The following RBFOX1 variants were observed in gnomAD, a reference collection of about 807,000 sequenced individuals.
RBFOX1 encodes RNA binding fox-1 homolog 1, also known as RNA binding protein fox-1 homolog 1.
In RBFOX1, 8 loss-of-function variants were observed where a neutral mutation model predicts 57.7. The ratio of observed to expected loss-of-function variants is 0.14; its 90% CI spans 0.08 to 0.25. The LOEUF is 0.25. RBFOX1 is among the 10% of genes least tolerant of loss of function. RBFOX1 has a pLI of 1.00. For missense variants in RBFOX1, 611 were observed against 548.5 expected, an observed-to-expected ratio of 1.11 and a Z score of -1.14; for synonymous variants, 326 against 222.4, an observed-to-expected ratio of 1.47 and a Z score of -4.15.
chr16:5,244,680 A>G (rs961924464), intron 1 of RBFOX1, among the ~76,000 whole-genome samples: 1 of 152,220 alleles, frequency 6.6e-6, no homozygotes, highest in African/African-American at 2.4e-5. Flanking sequence ...CGCTCTTGTA[A>G]TTTGTGAGGC....
chr16:6,790,169 C>CTGT lies in RBFOX1; in HGVS notation c.-16+135520_-16+135521insGTT, dbSNP rs376093377. 2.1e-5 allele frequency among the ~76,000 whole-genome samples: 3 copies of CTGT among 141,536 alleles called. No homozygotes were observed. The East Asian group carries it at 6.2e-4, about 29-fold the overall frequency. The allele number at this position is 141,536 out of a possible 152,430, so 92.9% of individuals were successfully genotyped here. On this transcript the variant is annotated intron_variant, in intron 3 of 15. Transcript: ENST00000550418. The stretch of plus-strand genomic sequence containing the variant: ...CTTAGATTCTGGATTTTATTTTATT[C>CTGT]TATTATTATTATTATTATTATTATT...
At chr16:5,433,437 G>A (rs938036443) in intron 1 of RBFOX1, among the ~76,000 whole-genome samples, 1 of 152,148 alleles carries the variant, frequency 6.6e-6, no homozygotes, top group African/African-American at 2.4e-5. Flanking sequence ...AAGACTGTTT[G>A]AGTGGCAAGA....
intron 2 of RBFOX1, among the ~76,000 whole-genome samples, chr16:6,628,547 A>G (rs2098340469): frequency 6.6e-6 from 1 of 152,300 alleles, no homozygotes; most frequent in East Asian, 1.9e-4. Flanking sequence ...TTCATCTACC[A>G]ATCCACCTCA....
At chr16:5,414,547 A>G (rs923253662) in intron 1 of RBFOX1, among the ~76,000 whole-genome samples, 12 of 152,102 alleles carry the variant, frequency 7.9e-5, no homozygotes, top group African/African-American at 2.7e-4. Flanking sequence ...TGTAGGCCTT[A>G]TGGCTTTCAT....
At chr16:5,941,942 C>A (rs1219129694) in intron 4 of RBFOX1, among the ~76,000 whole-genome samples, 1 of 151,578 alleles carries the variant, frequency 6.6e-6, no homozygotes, top group Non-Finnish European at 1.5e-5. Flanking sequence ...TACTAGATAA[C>A]AACGACCACC....
intron 2 of RBFOX1, among the ~76,000 whole-genome samples, chr16:6,526,241 C>G (rs2096575851): frequency 6.6e-6 from 1 of 152,168 alleles, no homozygotes; most frequent in African/African-American, 2.4e-5. Context: ...ATGTTTCTGC[C>G]ACCATTGAGT....
intron 3 of RBFOX1, among the ~76,000 whole-genome samples, chr16:5,804,927 G>C (rs1430754923): frequency 6.6e-6 from 1 of 152,172 alleles, no homozygotes; most frequent in Admixed American, 6.5e-5. Context: ...GCCACTACCA[G>C]CATTTCTCTG....
chr16:7,417,538 G>GTT (rs777135905), intron 4 of RBFOX1, among the ~76,000 whole-genome samples: 144 of 150,336 alleles, frequency 9.6e-4, no homozygotes, highest in East Asian at 1.8e-3. Flanking sequence ...TTGTGTGTGT[G>GTT]TGTGTGTGTG....
chr16:6,843,199 G>T lies in RBFOX1; in HGVS notation c.-16+188549G>T, dbSNP rs749530524. Among the ~76,000 whole-genome samples, 5 of 152,040 alleles carry T rather than the reference G, an allele frequency of 3.3e-5. 1 individual carries two copies. The highest frequency in any genetic ancestry group is 7.4e-5 in the Non-Finnish European group (5 of 68,014). On this transcript the variant is annotated intron_variant, in intron 3 of 15. Coordinates refer to ENST00000550418, the MANE Select transcript of RBFOX1 (RefSeq NM_018723.4). ...TTTCTATTAGAGTGGATGTCTCTTG[G>T]GTTTAAAGAATGGGTGAAAATCTCT...
chr16:7,484,734 G>A (rs2064943483), intron 4 of RBFOX1, among the ~76,000 whole-genome samples: 1 of 152,180 alleles, frequency 6.6e-6, no homozygotes, highest in Admixed American at 6.5e-5. Flanking sequence ...AAAGTTCTGG[G>A]ATGACAGGCA....
intron 1 of RBFOX1, among the ~76,000 whole-genome samples, chr16:6,166,351 A>G (rs1000023458): frequency 6.6e-6 from 1 of 151,964 alleles, no homozygotes; most frequent in African/African-American, 2.4e-5. Context: ...TGGCTCAGCT[A>G]ACCAAAGGTT....
At chr16:5,945,701 C>T (rs2059387969) in intron 4 of RBFOX1, among the ~76,000 whole-genome samples, 1 of 152,224 alleles carries the variant, frequency 6.6e-6, no homozygotes, top group Non-Finnish European at 1.5e-5. Context: ...ACAGCCCTTC[C>T]TCAGGTAGAA....
At chr16:6,333,588 C>G (rs571675021) in intron 2 of RBFOX1, among the ~76,000 whole-genome samples, 5 of 152,128 alleles carry the variant, frequency 3.3e-5, no homozygotes, top group East Asian at 1.9e-4. Flanking sequence ...ACGAAATGGT[C>G]CAGTCATTTC....
intron 12 of RBFOX1, among the ~76,000 whole-genome samples, chr16:7,661,023 A>G (rs1210217924): frequency 6.6e-6 from 1 of 152,194 alleles, no homozygotes; most frequent in African/African-American, 2.4e-5. Context: ...GAGCACAGAA[A>G]GGCTAGACTA....
intron 3 of RBFOX1, among the ~76,000 whole-genome samples, chr16:6,743,215 A>G (rs2072719030): frequency 6.6e-6 from 1 of 152,232 alleles, no homozygotes; most frequent in South Asian, 2.1e-4. Context: ...CAAAGGAAAT[A>G]GAATAATAAA....
At chr16:7,426,212 C>A (rs540898298) in intron 4 of RBFOX1, among the ~76,000 whole-genome samples, 7 of 152,334 alleles carry the variant, frequency 4.6e-5, no homozygotes, top group African/African-American at 1.7e-4. Flanking sequence ...GAAGTGATTA[C>A]AGAGTCATGA....
chr16:5,929,315 C>CCTCT (rs112397291), intron 4 of RBFOX1, among the ~76,000 whole-genome samples: 9 of 147,946 alleles, frequency 6.1e-5, no homozygotes, highest in African/African-American at 1.5e-4. Flanking sequence ...CAGTCTTAAG[C>CCTCT]CTCTCTCTCT....
At chr16:6,077,661 G>C (rs1214838433) in intron 1 of RBFOX1, among the ~76,000 whole-genome samples, 2 of 136,944 alleles carry the variant, frequency 1.5e-5, no homozygotes, top group Non-Finnish European at 3.4e-5. Flanking sequence ...CTGCGCTCTT[G>C]CGTCAACCTT....
chr16:7,438,887 T>G (rs1013441243), intron 4 of RBFOX1, among the ~76,000 whole-genome samples: 1 of 152,182 alleles, frequency 6.6e-6, no homozygotes, highest in Non-Finnish European at 1.5e-5. Flanking sequence ...TGATCTATAC[T>G]GCATGAATCC....
Sources: gnomAD v4.1 joint callset for allele counts (sites outside exome capture counted in the v4.1 genomes callset) on GRCh38, gnomAD v4.1.1 for gene constraint, MANE v1.5 for transcripts, NCBI Gene and HGNC (gene_info 2026-07-23, HGNC 2026-07-21) for gene names.